The following LAMP1 variants were observed in gnomAD, a reference collection of about 807,000 sequenced individuals.
The protein encoded by LAMP1 is lysosome associated membrane protein 1, also known as lysosome-associated membrane glycoprotein 1.
Under a neutral mutation model 37.5 loss-of-function variants are expected in LAMP1, and 7 were observed. The observed-to-expected ratio is 0.19, with a 90% CI of 0.11 to 0.35. LAMP1 has a LOEUF of 0.35. LAMP1 is among the 10% of genes least tolerant of loss of function. The pLI, the probability that LAMP1 is intolerant of heterozygous loss-of-function variation, is 1.00. For missense variants in LAMP1, 537 were observed against 552.8 expected (o/e 0.97, Z 0.29); for synonymous variants, 236 against 229.1 (o/e 1.03, Z -0.27).
At chr13:113,302,976 T>C (rs1440861071) in intron 1 of LAMP1, among the ~76,000 whole-genome samples, 1 of 152,242 alleles carries the variant, frequency 6.6e-6, no homozygotes, top group African/African-American at 2.4e-5. Flanking sequence ...TTCCAAGTGC[T>C]TGTTAAATGA....
Position 113,321,361 on chromosome 13 carries a change from C to G in LAMP1, c.877-43C>G, listed in dbSNP as rs1293820170. Reference sequence around the variant, plus strand: ...TCTACTGGGGTTAAAGATCATCTTTCTATGAATCTGCTCCGTGATTAAAGA... The same window carrying G: ...TCTACTGGGGTTAAAGATCATCTTTGTATGAATCTGCTCCGTGATTAAAGA... On this transcript the variant is annotated intron_variant, in intron 6 of 8. Coordinates refer to ENST00000332556, the MANE Select transcript of LAMP1 (RefSeq NM_005561.4). The surrounding 1 kb of genome is among the most constrained non-coding windows in gnomAD (Gnocchi z 5.6). The G allele has an allele frequency of 6.7e-7, 1 of 1,491,170 alleles. No individual in the cohort carries two copies. Among genetic ancestry groups the G allele is most frequent in the Non-Finnish European group, 9.4e-7 (1 of 1,068,270 alleles). The allele number at this position is 1,491,170 out of a possible 1,614,324, so 92.4% of individuals were successfully genotyped here. A position where few individuals can be genotyped will look rare whatever the true frequency, so the allele number is the denominator to read the frequency against.
At chr13:113,315,830 C>A (rs114458385) in intron 4 of LAMP1, among the ~76,000 whole-genome samples, 1 of 151,638 alleles carries the variant, frequency 6.6e-6, no homozygotes, top group Non-Finnish European at 1.5e-5. Flanking sequence ...TGGCTGGGCA[C>A]GGTGGCTCAG....
At position 113,321,455 on chromosome 13, in the gene LAMP1, C is replaced by A. The variant is rs910985378; in HGVS notation, c.928C>A (p.Leu310Ile). The change falls in exon 7 of 9, where the codon CTT becomes ATT. Residue 310 changes from leucine to isoleucine, a missense_variant. By Grantham distance (5) the Leu-to-Ile change is conservative. Coordinates refer to ENST00000332556, the MANE Select transcript of LAMP1 (RefSeq NM_005561.4). The surrounding 1 kb of genome is among the most constrained non-coding windows in gnomAD (Gnocchi z 5.6). The stretch of plus-strand genomic sequence containing the variant: ...ACAAGGAATCCAGTTGAATACAATT[C>A]TTCCTGACGCCAGAGGTGAGAACCC... ...FLQGIQLNTI[L>I]PDARDPAFKA... 11 of 1,614,100 alleles carry A rather than the reference C, an allele frequency of 6.8e-6. No individual in the cohort carries two copies. The highest frequency in any genetic ancestry group is 2.2e-5 in the South Asian group (2 of 91,078).
In LAMP1 at chr13:113,320,981, A is replaced by C. The variant is rs2042695963; in HGVS notation, c.877-423A>C. The C allele has an allele frequency of 4.1e-6, 1 of 242,388 alleles. No homozygotes were observed. Among genetic ancestry groups the C allele is most frequent in the South Asian group, 5.6e-5 (1 of 17,980 alleles). 15.0% of individuals were successfully genotyped at this position (242,388 alleles called of 1,614,324 possible). A position where few individuals can be genotyped will look rare whatever the true frequency, so the allele number is the denominator to read the frequency against. On this transcript the variant is annotated intron_variant, in intron 6 of 8. Transcript: ENST00000332556. This position sits in a 1 kb window ranked among gnomAD's most constrained non-coding sequence, Gnocchi z 4.4. ...ACTGACTCTCAAGAGGTCTGGAAGGACCAGCCTGGGCAGCACAGGGAGGCT... is the reference window on the plus strand; with the variant it reads ...ACTGACTCTCAAGAGGTCTGGAAGGCCCAGCCTGGGCAGCACAGGGAGGCT...
Position 113,313,898 on chromosome 13 carries a change from G to A in LAMP1, c.562+3031G>A, listed in dbSNP as rs147865323. On this transcript the variant is annotated intron_variant, in intron 4 of 8. Coordinates refer to ENST00000332556, the MANE Select transcript of LAMP1 (RefSeq NM_005561.4). ...GGGCATGGCCTCCTGGAGGGAACCA[G>A]CGTGGAGATGCCGGTGTGCCTGGGG... 1.2e-3 allele frequency among the ~76,000 whole-genome samples: 147 copies of A among 122,700 alleles called. 11 individuals carry two copies. Among genetic ancestry groups the A allele is most frequent in the African/African-American group, 6.5e-3 (137 of 21,094 alleles). 80.5% of individuals were successfully genotyped at this position (122,700 alleles called of 152,430 possible).
intron 4 of LAMP1, among the ~76,000 whole-genome samples, chr13:113,318,743 A>G (rs1051584643): frequency 3.2e-4 from 48 of 150,838 alleles, no homozygotes; most frequent in African/African-American, 1.1e-3. Context: ...TTTCAGACGC[A>G]CCCACACTCA....
chr13:113,309,728 T>G lies in LAMP1; in HGVS notation c.269T>G (p.Leu90Arg). The G allele has an allele frequency of 6.2e-7, 1 of 1,614,208 alleles. No individual in the cohort carries two copies. The highest frequency in any genetic ancestry group is 1.7e-5 in the Admixed American group (1 of 60,022). Reference protein sequence around the residue: ...CGKENTSDPSLVIAFGRGHTL... With the variant: ...CGKENTSDPSRVIAFGRGHTL... ...AAAGAGAACACTTCTGACCCCAGTC[T>G]CGTGATTGCTTTTGGAAGAGGACAT... is the stretch of plus-strand genomic sequence containing the variant. The change falls in exon 3 of 9, where the codon CTC becomes CGC. Residue 90 changes from leucine (L) to arginine (R), a missense_variant. Coordinates refer to ENST00000332556, the MANE Select transcript of LAMP1 (RefSeq NM_005561.4).
intron 4 of LAMP1, among the ~76,000 whole-genome samples, chr13:113,314,183 T>C (rs1190920250): frequency 2.5e-4 from 16 of 64,064 alleles, no homozygotes; most frequent in Admixed American, 8.5e-4. Context: ...CTAGAGGGAG[T>C]CAGTGTGGAG....
rs199690220 is a variant in LAMP1, at chr13:113,320,300, G to C, written c.751-45G>C. 3.7e-6 allele frequency: 6 copies of C among 1,611,660 alleles called. No homozygotes were observed. The South Asian group carries it at 5.5e-5, about 15-fold the overall frequency. On this transcript the variant is annotated intron_variant, in intron 5 of 8. Coordinates refer to ENST00000332556, the MANE Select transcript of LAMP1 (RefSeq NM_005561.4). This position sits in a 1 kb window ranked among gnomAD's most constrained non-coding sequence, Gnocchi z 4.4. ...GACTGTTTGTCTTTTCGAGAGTGTG[G>C]AGGACCTGAGCTAGGGTGGTGACTT...
In LAMP1 at chr13:113,310,835, C is replaced by A. The variant is rs777432410; in HGVS notation, c.530C>A (p.Ala177Glu). The A allele has an allele frequency of 3.1e-6, 5 of 1,613,750 alleles. No individual in the cohort carries two copies. The highest frequency in any genetic ancestry group is 4.2e-6 in the Non-Finnish European group (5 of 1,179,940). The part of the protein sequence containing the change: ...TVTLHDATIQ[A>E]YLSNSSFSRG... ...ACGCTCCATGATGCCACCATCCAGG[C>A]GTACCTTTCCAACAGCAGCTTCAGC... Residue 177 changes from alanine to glutamate, a missense_variant, in exon 4 of 9, where the codon GCG (alanine) becomes GAG (glutamate). Physicochemically the swap from Ala to Glu is moderately radical, Grantham distance 107. Coordinates refer to ENST00000332556, the MANE Select transcript of LAMP1 (RefSeq NM_005561.4).
chr13:113,319,359 A>C (rs2042684315), intron 4 of LAMP1, 110 bp from the exon 5 acceptor site: 6 of 973,304 alleles, frequency 6.2e-6, no homozygotes, highest in Non-Finnish European at 9.0e-6. Flanking sequence ...AATAGTCACC[A>C]AGGACGCCAG....
chr13:113,309,894 A>C, intron 3 of LAMP1, 32 bp downstream of exon 3: 1 of 1,554,982 alleles, frequency 6.4e-7, no homozygotes, highest in Non-Finnish European at 8.9e-7. Context: ...TTATGAAGTG[A>C]TAGAAAATTG....
intron 1 of LAMP1, among the ~76,000 whole-genome samples, chr13:113,304,770 C>T (rs1048692175): frequency 5.9e-5 from 9 of 152,030 alleles, no homozygotes; most frequent in Non-Finnish European, 1.3e-4. Flanking sequence ...GATTCTCCTG[C>T]CTCAGCCTCC....
At position 113,310,699 on chromosome 13, in the gene LAMP1, T is replaced by G; in HGVS notation, c.404-10T>G. On this transcript the variant is annotated splice_polypyrimidine_tract_variant and intron_variant, in intron 3 of 8. Transcript: ENST00000332556. The stretch of plus-strand genomic sequence containing the variant: ...GTTTGCAATTGTGATTTTTTTTTTT[T>G]TTAATCTAGAAATCAAGACTGTGGA... The G allele has an allele frequency of 1.3e-6, 2 of 1,550,242 alleles. No homozygotes were observed. The highest frequency in any genetic ancestry group is 1.7e-6 in the Non-Finnish European group (2 of 1,150,168).
At chr13:113,298,119 G>A (rs528810328) in intron 1 of LAMP1, among the ~76,000 whole-genome samples, 2 of 152,272 alleles carry the variant, frequency 1.3e-5, no homozygotes, top group African/African-American at 4.8e-5. Flanking sequence ...ACAAGATTCC[G>A]TAGTAGACAA....
At chr13:113,318,373 C>T (rs938148994) in intron 4 of LAMP1, among the ~76,000 whole-genome samples, 1 of 152,170 alleles carries the variant, frequency 6.6e-6, no homozygotes, top group Non-Finnish European at 1.5e-5. Flanking sequence ...GGTTGCCCAC[C>T]CTGGATATGT....
intron 1 of LAMP1, 189 bp from the exon 2 acceptor site, chr13:113,306,296 G>A (rs1170837656): frequency 6.6e-6 from 3 of 454,442 alleles, no homozygotes; most frequent in Admixed American, 8.1e-5. Flanking sequence ...GGTGGAGGTT[G>A]CAGTGAGCTG....
Position 113,320,429 on chromosome 13 carries a change from C to T in LAMP1, c.835C>T (p.His279Tyr), listed in dbSNP as rs2042691801. The change falls in exon 6 of 9, where the codon CAC becomes TAC. Residue 279 changes from histidine to tyrosine, a missense_variant. Physicochemically the swap from His to Tyr is moderately conservative, Grantham distance 83. Coordinates refer to ENST00000332556, the MANE Select transcript of LAMP1 (RefSeq NM_005561.4). This position sits in a 1 kb window ranked among gnomAD's most constrained non-coding sequence, Gnocchi z 4.4. ...CGAHLVTLEL[H>Y]SEGTTVLLFQ... ...CGCCCACCTGGTGACTCTGGAGCTG[C>T]ACAGCGAGGGCACCACCGTCCTGCT... The T allele has an allele frequency of 6.2e-7, 1 of 1,611,466 alleles. No homozygotes were observed. Among genetic ancestry groups the T allele is most frequent in the South Asian group, 1.1e-5 (1 of 91,070 alleles).
At chr13:113,299,627 G>A (rs1566395872) in intron 1 of LAMP1, among the ~76,000 whole-genome samples, 1 of 145,818 alleles carries the variant, frequency 6.9e-6, no homozygotes, top group Non-Finnish European at 1.5e-5. Flanking sequence ...GGAGTGCAGT[G>A]GCGTGATCTC....
Sources: allele counts gnomAD v4.1 joint callset (sites outside exome capture counted in the v4.1 genomes callset), GRCh38; gene constraint gnomAD v4.1.1; non-coding constraint Gnocchi (gnomAD v3.1); transcripts MANE v1.5; gene names NCBI Gene and HGNC (gene_info 2026-07-23, HGNC 2026-07-21).